The following RBFOX1 variants were observed in gnomAD, a reference collection of about 807,000 sequenced individuals.
RBFOX1 encodes the protein RNA binding fox-1 homolog 1.
A neutral mutation model predicts 57.7 loss-of-function variants in RBFOX1; 8 were observed. The observed-to-expected ratio is 0.14, with a 90% CI of 0.08 to 0.25. RBFOX1 has a LOEUF of 0.25. Among genes scored for constraint, RBFOX1 ranks in the 10% least tolerant of loss-of-function variants. RBFOX1 has a pLI of 1.00. For missense variants in RBFOX1, 611 were observed against 548.5 expected (o/e 1.11, Z -1.14); for synonymous variants, 326 against 222.4 (o/e 1.47, Z -4.15).
chr16:6,605,789 C>T (rs914340750), intron 2 of RBFOX1, among the ~76,000 whole-genome samples: 6 of 152,106 alleles, frequency 3.9e-5, no homozygotes, highest in South Asian at 2.1e-4. Context: ...AAACAACACA[C>T]GGGAAACTAT....
chr16:6,961,145 C>CTCACACACACACACACACACACACACACA (rs142889433), intron 3 of RBFOX1, among the ~76,000 whole-genome samples: 2 of 143,772 alleles, frequency 1.4e-5, no homozygotes, highest in Admixed American at 1.4e-4. Flanking sequence ...TCACACACAC[C>CTCACACACACACACACACACACACACACA]CACACAGACA....
chr16:7,275,225 C>G (rs1226932569), intron 4 of RBFOX1, among the ~76,000 whole-genome samples: 1 of 152,172 alleles, frequency 6.6e-6, no homozygotes, highest in Non-Finnish European at 1.5e-5. Flanking sequence ...ACACTACTAA[C>G]TCATTCAAAA....
At chr16:5,357,979 C>G (rs1177205088) in intron 1 of RBFOX1, among the ~76,000 whole-genome samples, 2 of 152,202 alleles carry the variant, frequency 1.3e-5, no homozygotes, top group East Asian at 3.8e-4. Flanking sequence ...TTTCCTAGAG[C>G]TGCTGTAGCA....
intron 4 of RBFOX1, among the ~76,000 whole-genome samples, chr16:7,162,616 C>A (rs191757401): frequency 1.3e-5 from 2 of 151,108 alleles, no homozygotes; most frequent in South Asian, 4.2e-4. Context: ...GTAATCCCAG[C>A]TACTGGGGAG....
intron 2 of RBFOX1, among the ~76,000 whole-genome samples, chr16:6,633,027 A>C (rs940929828): frequency 6.6e-6 from 1 of 152,194 alleles, no homozygotes; most frequent in African/African-American, 2.4e-5. Flanking sequence ...TTGAAAAATA[A>C]ATACTTGATG....
At chr16:5,406,903 G>T (rs1297454590) in intron 1 of RBFOX1, among the ~76,000 whole-genome samples, 1 of 152,170 alleles carries the variant, frequency 6.6e-6, no homozygotes, top group Non-Finnish European at 1.5e-5. Flanking sequence ...ACAGCAGTGT[G>T]TGTGATGTGG....
intron 4 of RBFOX1, among the ~76,000 whole-genome samples, chr16:7,172,040 C>G (rs561277993): frequency 6.6e-6 from 1 of 151,342 alleles, no homozygotes; most frequent in South Asian, 2.1e-4. Context: ...AGTTTTGTCA[C>G]AATTCACATG....
At chr16:6,157,579 C>T (rs948180529) in intron 1 of RBFOX1, among the ~76,000 whole-genome samples, 1 of 152,072 alleles carries the variant, frequency 6.6e-6, no homozygotes, top group African/African-American at 2.4e-5. Context: ...TTTGAAAATA[C>T]TAAATACCCA....
At chr16:5,555,858 C>G (rs141920565) in intron 2 of RBFOX1, among the ~76,000 whole-genome samples, 8,503 of 151,892 alleles carry the variant, frequency 0.056, 256 homozygotes, top group East Asian at 0.1. Flanking sequence ...CCCATATCTA[C>G]TAAAAATACA....
intron 5 of RBFOX1, among the ~76,000 whole-genome samples, chr16:7,577,732 A>C (rs1421917981): frequency 6.6e-6 from 1 of 152,184 alleles, no homozygotes; most frequent in African/African-American, 2.4e-5. Flanking sequence ...AGTGTGACCC[A>C]GGCTCTGCAA....
intron 3 of RBFOX1, among the ~76,000 whole-genome samples, chr16:5,803,550 A>G (rs1472517187): frequency 6.6e-6 from 1 of 152,224 alleles, no homozygotes; most frequent in Non-Finnish European, 1.5e-5. Context: ...ACCGTGAAGC[A>G]TATGTATGGT....
chr16:7,284,173 C>G (rs1270398134), intron 4 of RBFOX1, among the ~76,000 whole-genome samples: 4 of 152,190 alleles, frequency 2.6e-5, no homozygotes, highest in African/African-American at 4.8e-5. Flanking sequence ...AGTTTATTCA[C>G]TAGTTGAAGG....
chr16:6,572,794 A>G (rs1305326674), intron 2 of RBFOX1, among the ~76,000 whole-genome samples: 1 of 152,088 alleles, frequency 6.6e-6, no homozygotes, highest in Non-Finnish European at 1.5e-5. Flanking sequence ...GGGTTTCACC[A>G]TGTTGGCCAC....
At chr16:7,499,982 G>C (rs1268133622) in intron 4 of RBFOX1, among the ~76,000 whole-genome samples, 1 of 151,920 alleles carries the variant, frequency 6.6e-6, no homozygotes, top group Non-Finnish European at 1.5e-5. Context: ...AAAAACCCCT[G>C]GTTTTCCTTG....
intron 3 of RBFOX1, among the ~76,000 whole-genome samples, chr16:6,812,643 C>G (rs926454996): frequency 6.6e-6 from 1 of 152,200 alleles, no homozygotes; most frequent in Non-Finnish European, 1.5e-5. Flanking sequence ...TACCACAGTG[C>G]TGGGATTACA....
chr16:6,647,935 G>A (rs2098547167), intron 2 of RBFOX1, among the ~76,000 whole-genome samples: 2 of 152,128 alleles, frequency 1.3e-5, no homozygotes, highest in African/African-American at 4.8e-5. Context: ...TCAGTCTACA[G>A]GGTTTAAGTG....
chr16:7,624,791 T>C (rs1218490846), intron 10 of RBFOX1, among the ~76,000 whole-genome samples: 1 of 152,170 alleles, frequency 6.6e-6, no homozygotes, highest in African/African-American at 2.4e-5. Flanking sequence ...TATTTTTGTG[T>C]GACTCTGCAC....
chr16:5,239,948 C>T (rs1288277890), exon 1 of RBFOX1: 1 of 1,527,934 alleles, frequency 6.5e-7, no homozygotes, highest in African/African-American at 1.4e-5. Flanking sequence ...GATGGCCGGC[C>T]CAGGAGGGAG....
intron 3 of RBFOX1, among the ~76,000 whole-genome samples, chr16:6,912,644 C>G (rs1489033243): frequency 6.8e-6 from 1 of 147,974 alleles, no homozygotes; most frequent in Non-Finnish European, 1.5e-5. Flanking sequence ...TTTGCAAGGT[C>G]TCACTGTGTC....
Sources: gnomAD v4.1 joint callset for allele counts (sites outside exome capture counted in the v4.1 genomes callset) on GRCh38, gnomAD v4.1.1 for gene constraint, MANE v1.5 for transcripts, NCBI Gene and HGNC (gene_info 2026-07-23, HGNC 2026-07-21) for gene names.